AUTS2: variants seen among roughly 807,000 people sequenced by gnomAD.
AUTS2 encodes activator of transcription and developmental regulator AUTS2.
In AUTS2, 17 loss-of-function variants were observed where a neutral mutation model predicts 112.4. The observed-to-expected ratio is 0.15, with a 90% CI of 0.10 to 0.23. AUTS2 has a LOEUF of 0.23. Among genes scored for constraint, AUTS2 ranks in the 10% least tolerant of loss-of-function variants. The pLI is 1.00. For missense variants in AUTS2, 1,510 were observed against 1,701.6 expected, an observed-to-expected ratio of 0.89 and a Z score of 1.98; for synonymous variants, 751 against 702.7, an observed-to-expected ratio of 1.07 and a Z score of -1.09.
intron 5 of AUTS2, among the ~76,000 whole-genome samples, chr7:70,500,844 C>T (rs1284795111): frequency 1.3e-5 from 2 of 152,206 alleles, no homozygotes; most frequent in Non-Finnish European, 2.9e-5. Flanking sequence ...GCCTCAGCCT[C>T]CTCGAGTAGC....
chr7:69,885,309 G>A (rs1445101331), intron 1 of AUTS2, among the ~76,000 whole-genome samples: 1 of 152,066 alleles, frequency 6.6e-6, no homozygotes, highest in Non-Finnish European at 1.5e-5. Flanking sequence ...GGTCAGAAAG[G>A]TGTCATTCCC....
chr7:70,792,770 TGAAAA>T lies in AUTS2; in HGVS notation c.*1781_*1785del, dbSNP rs1389062644. On this transcript the variant is annotated 3_prime_UTR_variant, in exon 19 of 19. Transcript: ENST00000342771. ...AATAAAGTCCTTTCTAGATCCTATGTGAAAAGAAAAGTGAAGCAACTGAATCTTCA... is the reference window on the plus strand; with the variant it reads ...AATAAAGTCCTTTCTAGATCCTATGTGAAAAGTGAAGCAACTGAATCTTCA... 6.6e-6 allele frequency: 1 copy of T among 152,618 alleles called. No homozygotes were observed. Among genetic ancestry groups the T allele is most frequent in the Non-Finnish European group, 1.5e-5 (1 of 68,036 alleles). 9.5% of individuals were successfully genotyped at this position (152,618 alleles called of 1,614,324 possible).
chr7:69,989,029 G>A (rs1798629998), intron 2 of AUTS2, among the ~76,000 whole-genome samples: 1 of 152,156 alleles, frequency 6.6e-6, no homozygotes, highest in Non-Finnish European at 1.5e-5. Flanking sequence ...ATTTTGAGCA[G>A]GACAACTTTG....
intron 2 of AUTS2, among the ~76,000 whole-genome samples, chr7:70,117,127 GTTT>G (rs1491008028): frequency 1.6e-4 from 10 of 62,782 alleles, no homozygotes; most frequent in African/African-American, 7.0e-4. Flanking sequence ...GTTTTTTTTT[GTTT>G]TTTTTTGTTT....
intron 2 of AUTS2, among the ~76,000 whole-genome samples, chr7:70,101,957 C>T (rs888690605): frequency 3.3e-5 from 5 of 152,090 alleles, no homozygotes; most frequent in Middle Eastern, 3.4e-3. Context: ...AATATGTCCA[C>T]CTGGTTGCTA....
intron 4 of AUTS2, among the ~76,000 whole-genome samples, chr7:70,257,798 T>G (rs1357390560): frequency 3.3e-5 from 5 of 152,116 alleles, no homozygotes; most frequent in Admixed American, 1.3e-4. Flanking sequence ...CTACTCCTTA[T>G]GGGTAGATCC....
intron 4 of AUTS2, among the ~76,000 whole-genome samples, chr7:70,379,518 A>G (rs973222176): frequency 3.3e-5 from 5 of 151,976 alleles, no homozygotes; most frequent in African/African-American, 1.2e-4. Flanking sequence ...AAAAAAAGAA[A>G]GAAAGAAAAA....
intron 5 of AUTS2, among the ~76,000 whole-genome samples, chr7:70,475,469 T>C (rs543564905): frequency 4.3e-4 from 65 of 152,306 alleles, no homozygotes; most frequent in Middle Eastern, 3.4e-3. Flanking sequence ...TGCTCCTAGG[T>C]CCATTTAAAG....
chr7:70,787,349 C>T lies in AUTS2; in HGVS notation c.2449C>T (p.Arg817Cys), dbSNP rs372882374. 4.4e-5 allele frequency: 71 copies of T among 1,613,836 alleles called. No individual in the cohort carries two copies. The highest frequency in any genetic ancestry group is 1.2e-4 in the Admixed American group (7 of 60,006). Residue 817 changes from arginine to cysteine, a missense_variant, in exon 18 of 19, where the codon CGC becomes TGC. By Grantham distance (180) the Arg-to-Cys change is radical. This residue lies in a region of AUTS2 where 788 missense variants were observed against 797.6 expected (regional missense o/e 0.99). Coordinates refer to ENST00000342771, the MANE Select transcript of AUTS2 (RefSeq NM_015570.4). ...CTGGCTGAAGCCAGGGGAGCTGGAG[C>T]GCAGCGCGTCCGCTGCAGCTCATGA... Reference protein sequence around the residue: ...PPWLKPGELERSASAAAHDRD... With the variant: ...PPWLKPGELECSASAAAHDRD...
chr7:70,704,383 T>C (rs1289368815), intron 6 of AUTS2, among the ~76,000 whole-genome samples: 1 of 152,224 alleles, frequency 6.6e-6, no homozygotes, highest in Non-Finnish European at 1.5e-5. Context: ...GTGTAACCCA[T>C]TCCATTCTTT....
chr7:70,554,990 C>G (rs1429448935), intron 5 of AUTS2, among the ~76,000 whole-genome samples: 1 of 152,188 alleles, frequency 6.6e-6, no homozygotes, highest in African/African-American at 2.4e-5. Flanking sequence ...AGCAAATATT[C>G]CCTGGGTTCC....
At chr7:70,290,520 G>T in intron 4 of AUTS2, 1 of 1,535,348 alleles carries the variant, frequency 6.5e-7, no homozygotes, top group Admixed American at 2.1e-5. Flanking sequence ...TCCGTTTGGT[G>T]TGGTCACTCA....
At chr7:69,823,183 C>T (rs1024245530) in intron 1 of AUTS2, among the ~76,000 whole-genome samples, 2 of 152,186 alleles carry the variant, frequency 1.3e-5, no homozygotes, top group African/African-American at 4.8e-5. Flanking sequence ...CTCTCTCTCC[C>T]TTGTCTTTGT....
At chr7:69,737,855 G>T (rs1787100364) in intron 1 of AUTS2, among the ~76,000 whole-genome samples, 1 of 152,144 alleles carries the variant, frequency 6.6e-6, no homozygotes, top group South Asian at 2.1e-4. Flanking sequence ...CTCATTGACA[G>T]TGCATTGCTA....
At chr7:70,485,547 A>T (rs1250027376) in intron 5 of AUTS2, among the ~76,000 whole-genome samples, 1 of 152,182 alleles carries the variant, frequency 6.6e-6, no homozygotes, top group Non-Finnish European at 1.5e-5. Flanking sequence ...CGGCTGCACC[A>T]AAATCTCAGA....
chr7:70,152,459 C>A (rs1460405233), intron 4 of AUTS2, among the ~76,000 whole-genome samples: 2 of 149,948 alleles, frequency 1.3e-5, no homozygotes, highest in East Asian at 1.9e-4. Context: ...AAAAAATGCA[C>A]TGGAGCAACA....
intron 4 of AUTS2, among the ~76,000 whole-genome samples, chr7:70,197,635 G>C (rs1810260569): frequency 1.9e-5 from 1 of 51,560 alleles, no homozygotes; most frequent in Non-Finnish European, 3.9e-5. Context: ...TTTTCAGACC[G>C]GCTTAAGAAA....
At chr7:70,383,194 G>T (rs190018438) in intron 4 of AUTS2, among the ~76,000 whole-genome samples, 2 of 152,126 alleles carry the variant, frequency 1.3e-5, no homozygotes, top group African/African-American at 4.8e-5. Context: ...AGTAGAAGAT[G>T]AGAGGAGGAG....
At chr7:70,321,432 G>T (rs1478432644) in intron 4 of AUTS2, among the ~76,000 whole-genome samples, 1 of 152,122 alleles carries the variant, frequency 6.6e-6, no homozygotes. Flanking sequence ...CATTATAAAT[G>T]TTGGCAGTGT....
Sources: allele counts gnomAD v4.1 joint callset (sites outside exome capture counted in the v4.1 genomes callset), GRCh38; gene constraint gnomAD v4.1.1; regional missense constraint gnomAD v4.1.1; transcripts MANE v1.5; gene names NCBI Gene and HGNC (gene_info 2026-07-23, HGNC 2026-07-21).